SPATA6: variants seen among roughly 807,000 people sequenced by gnomAD.
SPATA6 encodes spermatogenesis-associated protein 6.
SPATA6 carries 56 observed loss-of-function variants against 65.3 expected under a neutral mutation model. That is an observed-to-expected ratio of 0.86 (90% CI 0.69 to 1.07). The LOEUF (loss-of-function observed/expected upper bound fraction) is 1.07. Among genes scored for constraint, SPATA6 ranks in the 50% least tolerant of loss-of-function variants. The probability of loss-of-function intolerance (pLI) is 0.00; values close to 1 mark genes in which losing one functional copy is unlikely to be tolerated. For synonymous variants in SPATA6, 199 were observed against 213.2 expected (o/e 0.93, Z 0.58); for missense variants, 590 against 594.8 (o/e 0.99, Z 0.08).
At chr1:48,303,969 T>C (rs1052463555) in intron 12 of SPATA6, among the ~76,000 whole-genome samples, 4 of 152,170 alleles carry the variant, frequency 2.6e-5, no homozygotes, top group East Asian at 1.9e-4. Context: ...ACGGCATCTG[T>C]AGAGGATTGA....
intron 3 of SPATA6, 144 bp from the exon 4 acceptor site, chr1:48,413,295 C>CTT (rs569870269): frequency 3.0e-4 from 56 of 187,004 alleles, no homozygotes; most frequent in Middle Eastern, 2.2e-3. Flanking sequence ...ATGTACACTT[C>CTT]TTTTTTTTTT....
At chr1:48,456,308 A>G (rs1656994496) in intron 1 of SPATA6, among the ~76,000 whole-genome samples, 1 of 152,262 alleles carries the variant, frequency 6.6e-6, no homozygotes, top group South Asian at 2.1e-4. Flanking sequence ...ACACATGACA[A>G]AGATTACAGA....
intron 3 of SPATA6, among the ~76,000 whole-genome samples, chr1:48,424,211 T>A (rs1653626708): frequency 6.6e-6 from 1 of 152,194 alleles, no homozygotes; most frequent in African/African-American, 2.4e-5. Context: ...TTCAACTGAT[T>A]TGATTTTTAG....
intron 11 of SPATA6, among the ~76,000 whole-genome samples, chr1:48,323,016 T>C (rs1407104714): frequency 6.6e-6 from 1 of 152,208 alleles, no homozygotes. Context: ...AGTGTGCCAA[T>C]TCCTCAAGGA....
At position 48,296,674 on chromosome 1, in the gene SPATA6, A is replaced by G. The variant is rs956620005; in HGVS notation, c.*2039T>C. The G allele has an allele frequency of 6.6e-6, 1 of 152,154 alleles. No individual in the cohort carries two copies. Among genetic ancestry groups the G allele is most frequent in the Non-Finnish European group, 1.5e-5 (1 of 68,022 alleles). 9.4% of individuals were successfully genotyped at this position (152,154 alleles called of 1,614,324 possible). ...AATTTTTTTAAAAGAGCATTATTCA[A>G]TGTTGACCTTCAAAAGCTGATTGTA... On this transcript the variant is annotated 3_prime_UTR_variant, in exon 13 of 13. Transcript: ENST00000371847.
chr1:48,402,327 A>T (rs1651241890), intron 6 of SPATA6, among the ~76,000 whole-genome samples: 1 of 152,134 alleles, frequency 6.6e-6, no homozygotes, highest in African/African-American at 2.4e-5. Context: ...ATTTCAGACA[A>T]AAAGTTAAAA....
At chr1:48,327,120 C>T (rs745798066) in intron 11 of SPATA6, among the ~76,000 whole-genome samples, 2 of 151,822 alleles carry the variant, frequency 1.3e-5, no homozygotes, top group African/African-American at 2.4e-5. Context: ...GACTAGAATC[C>T]ACAAGTAACT....
chr1:48,331,281 G>A (rs556326426), intron 11 of SPATA6, among the ~76,000 whole-genome samples: 4 of 152,076 alleles, frequency 2.6e-5, no homozygotes, highest in African/African-American at 9.6e-5. Context: ...AATGAAGATC[G>A]TCGAGATTCA....
intron 8 of SPATA6, among the ~76,000 whole-genome samples, chr1:48,385,634 T>C (rs1157449059): frequency 6.6e-6 from 1 of 152,184 alleles, no homozygotes; most frequent in Non-Finnish European, 1.5e-5. Flanking sequence ...TTTGTGTCTA[T>C]GAAATGAATA....
chr1:48,315,968 C>G (rs529490302), intron 11 of SPATA6, among the ~76,000 whole-genome samples: 3 of 152,064 alleles, frequency 2.0e-5, no homozygotes, highest in Non-Finnish European at 4.4e-5. Flanking sequence ...ACTTCGAAAC[C>G]AATTTAAAAG....
At chr1:48,267,118 A>G in the SPATA6 span, among the ~76,000 whole-genome samples, 4 of 152,108 alleles carry the variant, frequency 2.6e-5, no homozygotes, top group Non-Finnish European at 5.9e-5. Context: ...TGAAATGAGA[A>G]AAGTTCCCTT....
At chr1:48,376,165 C>T (rs1647882449) in intron 9 of SPATA6, among the ~76,000 whole-genome samples, 1 of 152,148 alleles carries the variant, frequency 6.6e-6, no homozygotes, top group Admixed American at 6.5e-5. Flanking sequence ...CTCTTGCCTG[C>T]TTTCCTTTCC....
chr1:48,440,056 C>T (rs577346367), intron 3 of SPATA6, among the ~76,000 whole-genome samples: 1 of 152,202 alleles, frequency 6.6e-6, no homozygotes, highest in East Asian at 1.9e-4. Context: ...TCAGCTTACC[C>T]CCATATCCTA....
intron 11 of SPATA6, among the ~76,000 whole-genome samples, chr1:48,308,236 G>A (rs1047222018): frequency 6.6e-6 from 1 of 151,776 alleles, no homozygotes; most frequent in African/African-American, 2.4e-5. Flanking sequence ...ATATTTTTGA[G>A]ACATTTTCTT....
intron 9 of SPATA6, among the ~76,000 whole-genome samples, chr1:48,370,267 C>G (rs1470462135): frequency 6.6e-6 from 1 of 152,062 alleles, no homozygotes; most frequent in Admixed American, 6.6e-5. Context: ...GAAATAAATA[C>G]AAATAATTCA....
At chr1:48,421,328 T>C (rs973119282) in intron 3 of SPATA6, among the ~76,000 whole-genome samples, 6 of 152,058 alleles carry the variant, frequency 3.9e-5, no homozygotes, top group African/African-American at 1.2e-4. Context: ...ACAATTATTA[T>C]GTCAATTAAA....
At chr1:48,312,133 C>G (rs1431233183) in intron 11 of SPATA6, among the ~76,000 whole-genome samples, 2 of 152,212 alleles carry the variant, frequency 1.3e-5, no homozygotes, top group African/African-American at 4.8e-5. Flanking sequence ...GACTCCACCT[C>G]TGGGGGCAGG....
chr1:48,336,080 GA>G (rs1202998422), intron 11 of SPATA6, among the ~76,000 whole-genome samples: 1 of 151,992 alleles, frequency 6.6e-6, no homozygotes, highest in African/African-American at 2.4e-5. Context: ...ACAACAATAA[GA>G]TAGCATCACA....
At chr1:48,352,382 C>T (rs1646536401) in intron 11 of SPATA6, among the ~76,000 whole-genome samples, 1 of 152,038 alleles carries the variant, frequency 6.6e-6, no homozygotes, top group African/African-American at 2.4e-5. Flanking sequence ...GGATTTGGCC[C>T]ATTTCATTGA....
Sources: gnomAD v4.1 joint callset for allele counts (sites outside exome capture counted in the v4.1 genomes callset) on GRCh38, gnomAD v4.1.1 for gene constraint, MANE v1.5 for transcripts, NCBI Gene and HGNC (gene_info 2026-07-23, HGNC 2026-07-21) for gene names.